Variants in SNCAIP observed in about 807,000 individuals in gnomAD.
SNCAIP encodes the protein synuclein alpha interacting protein.
In SNCAIP, 43 loss-of-function variants were observed where a neutral mutation model predicts 86.7. That is an observed-to-expected ratio of 0.50 (90% CI 0.39 to 0.64). The LOEUF (loss-of-function observed/expected upper bound fraction) is 0.64. SNCAIP is among the 30% of genes least tolerant of loss of function. The pLI, the probability that SNCAIP is intolerant of heterozygous loss-of-function variation, is 0.00. For missense variants in SNCAIP, 981 were observed against 1,103.1 expected, an observed-to-expected ratio of 0.89 and a Z score of 1.57; for synonymous variants, 417 against 427.2, an observed-to-expected ratio of 0.98 and a Z score of 0.29.
intron 1 of SNCAIP, among the ~76,000 whole-genome samples, chr5:122,377,461 A>C (rs1358762052): frequency 6.6e-6 from 1 of 151,868 alleles, no homozygotes; most frequent in Non-Finnish European, 1.5e-5. Context: ...ATTTTAAATC[A>C]CACACACAAG....
intron 1 of SNCAIP, among the ~76,000 whole-genome samples, chr5:122,390,724 C>A (rs1040403022): frequency 6.6e-6 from 1 of 152,178 alleles, no homozygotes; most frequent in Non-Finnish European, 1.5e-5. Flanking sequence ...TCCAGGCTGG[C>A]TCCCCATTTC....
At chr5:122,325,196 T>A (rs373867363) in intron 1 of SNCAIP, among the ~76,000 whole-genome samples, 2 of 152,224 alleles carry the variant, frequency 1.3e-5, no homozygotes, top group Non-Finnish European at 2.9e-5. Context: ...TTTCTCCACC[T>A]GCTCTGTGTG....
At chr5:122,460,278 C>G (rs2153035694) in intron 10 of SNCAIP, among the ~76,000 whole-genome samples, 1 of 152,140 alleles carries the variant, frequency 6.6e-6, no homozygotes, top group Non-Finnish European at 1.5e-5. Flanking sequence ...TGTGCCACCC[C>G]ACCCAGCCAA....
chr5:122,444,947 T>C (rs1781953948), intron 8 of SNCAIP: 6 of 584,086 alleles, frequency 1.0e-5, no homozygotes, highest in South Asian at 3.8e-5. Context: ...AACAGTAAAG[T>C]GTACAGCAAG....
At chr5:122,324,097 CA>C (rs1406095878) in intron 1 of SNCAIP, among the ~76,000 whole-genome samples, 1 of 151,988 alleles carries the variant, frequency 6.6e-6, no homozygotes, top group African/African-American at 2.4e-5. Context: ...AGAAAAAACC[CA>C]CAGGGAAAAA....
chr5:122,343,145 C>A (rs1054546034), intron 1 of SNCAIP, among the ~76,000 whole-genome samples: 2 of 152,194 alleles, frequency 1.3e-5, no homozygotes, highest in Non-Finnish European at 2.9e-5. Context: ...AACTGAACAT[C>A]TGAATGCTGA....
chr5:122,435,775 GT>G (rs1368173767), intron 6 of SNCAIP, among the ~76,000 whole-genome samples: 5 of 152,010 alleles, frequency 3.3e-5, no homozygotes, highest in African/African-American at 1.2e-4. Flanking sequence ...TGTTATTGTT[GT>G]TTTTCCACAA....
intron 5 of SNCAIP, among the ~76,000 whole-genome samples, chr5:122,429,926 A>T (rs544409794): frequency 1.3e-5 from 2 of 152,208 alleles, no homozygotes; most frequent in East Asian, 3.9e-4. Flanking sequence ...GCCAATGGCA[A>T]CCCCATAGAG....
At chr5:122,453,246 C>T (rs1273724075) in intron 10 of SNCAIP, among the ~76,000 whole-genome samples, 2 of 152,184 alleles carry the variant, frequency 1.3e-5, no homozygotes, top group Non-Finnish European at 2.9e-5. Flanking sequence ...CAAACTTTTG[C>T]TGTATTTCCT....
chr5:122,451,758 G>T (rs1783734559), intron 10 of SNCAIP, 157 bp downstream of exon 10: 1 of 622,824 alleles, frequency 1.6e-6, no homozygotes. Context: ...TGTCTAATGA[G>T]ACATGTCATG....
intron 1 of SNCAIP, among the ~76,000 whole-genome samples, chr5:122,318,537 T>C (rs1383806499): frequency 6.6e-6 from 1 of 152,186 alleles, no homozygotes. Flanking sequence ...GAGAGAAAAA[T>C]GTGTGTTGAA....
intron 1 of SNCAIP, among the ~76,000 whole-genome samples, chr5:122,351,555 A>AAAAAAAAAAAAAAAAAAAAAAAAAC (rs1365610218): frequency 6.9e-6 from 1 of 144,410 alleles, no homozygotes; most frequent in East Asian, 1.9e-4. Flanking sequence ...AAAAAAAAAA[A>AAAAAAAAAAAAAAAAAAAAAAAAAC]AAAAAAAAAA....
intron 5 of SNCAIP, among the ~76,000 whole-genome samples, chr5:122,428,961 T>A (rs1017657547): frequency 6.6e-6 from 1 of 152,060 alleles, no homozygotes; most frequent in Non-Finnish European, 1.5e-5. Context: ...TTTTAAAGGA[T>A]CGAAATGCAA....
chr5:122,451,986 G>C (rs1023705344), intron 10 of SNCAIP, among the ~76,000 whole-genome samples: 2 of 152,312 alleles, frequency 1.3e-5, no homozygotes, highest in South Asian at 4.1e-4. Context: ...GGAAGAGTTT[G>C]TTCTCTTCAT....
At chr5:122,350,706 T>C (rs1336816048) in intron 1 of SNCAIP, among the ~76,000 whole-genome samples, 1 of 152,178 alleles carries the variant, frequency 6.6e-6, no homozygotes, top group African/African-American at 2.4e-5. Context: ...ACAGAACGTG[T>C]GTGGTAGGAT....
In SNCAIP at chr5:122,444,667, G is replaced by A. The variant is rs777618210; in HGVS notation, c.1527G>A (p.Leu509=). 6.2e-7 allele frequency: 1 copy of A among 1,613,794 alleles called. No individual in the cohort carries two copies. The highest frequency in any genetic ancestry group is 2.2e-5 in the East Asian group (1 of 44,866). ...GGCACACCCTGTGCTCCAGGTACCT[G>A]GTGGTGGTGGAGACCTGCATGTCGC... is the stretch of plus-strand genomic sequence containing the variant. ...RQGHTLCSRY[L]VVVETCMSLA... is the part of the protein sequence containing the mutation. Residue 509 remains leucine, a synonymous_variant, in exon 8 of 11, where the codon CTG becomes CTA. Coordinates refer to ENST00000261368, the MANE Select transcript of SNCAIP (RefSeq NM_005460.4).
intron 2 of SNCAIP, among the ~76,000 whole-genome samples, chr5:122,392,960 G>A (rs979827987): frequency 1.3e-5 from 2 of 152,242 alleles, no homozygotes; most frequent in Non-Finnish European, 2.9e-5. Flanking sequence ...TGTATTTACA[G>A]AAGAATCATC....
intron 2 of SNCAIP, among the ~76,000 whole-genome samples, chr5:122,402,248 C>T (rs1771981302): frequency 6.6e-6 from 1 of 152,092 alleles, no homozygotes; most frequent in African/African-American, 2.4e-5. Context: ...AGAGCTTGTA[C>T]TTGGCCAGAA....
intron 1 of SNCAIP, among the ~76,000 whole-genome samples, chr5:122,339,934 A>G (rs1757223537): frequency 6.6e-6 from 1 of 152,198 alleles, no homozygotes; most frequent in Non-Finnish European, 1.5e-5. Context: ...AGTGTCACTG[A>G]GCAGGGGGTT....
Sources: allele counts gnomAD v4.1 joint callset (sites outside exome capture counted in the v4.1 genomes callset), GRCh38; gene constraint gnomAD v4.1.1; transcripts MANE v1.5; gene names NCBI Gene and HGNC (gene_info 2026-07-23, HGNC 2026-07-21).